The following GALNT13 variants were observed in gnomAD, a reference collection of about 807,000 sequenced individuals.
GALNT13 encodes the protein UDP-GalNAc:polypeptide N-acetylgalactosaminyltransferase 13.
In GALNT13, 28 loss-of-function variants were observed where a neutral mutation model predicts 64.2. The ratio of observed to expected loss-of-function variants is 0.44; its 90% CI spans 0.32 to 0.60. The LOEUF (loss-of-function observed/expected upper bound fraction) is 0.60, where lower values mean the gene tolerates loss of function less well. GALNT13 is among the 20% of genes least tolerant of loss of function. The pLI, the probability that GALNT13 is intolerant of heterozygous loss-of-function variation, is 0.05. For synonymous variants in GALNT13, 214 were observed against 224.6 expected, an observed-to-expected ratio of 0.95 and a Z score of 0.42; for missense variants, 577 against 669.8, an observed-to-expected ratio of 0.86 and a Z score of 1.53.
the GALNT13 span, among the ~76,000 whole-genome samples, chr2:153,438,875 CT>C: frequency 2.3e-4 from 35 of 152,252 alleles, no homozygotes; most frequent in African/African-American, 8.4e-4. Context: ...AGCTGTGTTC[CT>C]TTGGAGGGGG....
rs181597368 is a variant in GALNT13, at chr2:154,250,382, C to T, written c.857+4400C>T. ...ATATTTTTCTATGCCATTATTTTTCCCCACATAGGTTTTAATGGCTGCTAA... is the reference window on the plus strand; with the variant it reads ...ATATTTTTCTATGCCATTATTTTTCTCCACATAGGTTTTAATGGCTGCTAA... On this transcript the variant is annotated intron_variant, in intron 7 of 12. Transcript: ENST00000392825. Among the ~76,000 whole-genome samples the T allele has an allele frequency of 3.3e-5, 5 of 151,884 alleles. No individual in the cohort carries two copies. In the East Asian group the frequency reaches 9.7e-4, roughly 29 times the overall value.
At position 153,876,921 on chromosome 2, in the gene GALNT13, G is replaced by A. The variant is rs566485699; in HGVS notation, c.-177+4618G>A. On this transcript the variant is annotated intron_variant, in intron 1 of 12. Coordinates refer to ENST00000392825, the MANE Select transcript of GALNT13 (RefSeq NM_052917.4). ...GGGCTCAACTTCATTCAATGTCCACGTAATTAGAGTCCTCATGAACTGTCA... is the reference window on the plus strand; with the variant it reads ...GGGCTCAACTTCATTCAATGTCCACATAATTAGAGTCCTCATGAACTGTCA... Among the ~76,000 whole-genome samples the A allele has an allele frequency of 1.7e-4, 26 of 152,156 alleles. No individual in the cohort carries two copies. In the South Asian group the frequency reaches 4.2e-3, roughly 24 times the overall value.
chr2:154,237,681 G>GT (rs1434194788), intron 4 of GALNT13, among the ~76,000 whole-genome samples: 1 of 151,310 alleles, frequency 6.6e-6, no homozygotes, highest in Non-Finnish European at 1.5e-5. Context: ...AAGATGTGCA[G>GT]TTTTTTCATT....
the GALNT13 span, chr2:153,478,533 C>T: frequency 1.2e-6 from 2 of 1,605,548 alleles, no homozygotes; most frequent in Non-Finnish European, 1.7e-6. Flanking sequence ...ACAGGCCCGC[C>T]ACGTCCGTCT....
At chr2:154,096,744 G>A (rs1351016805) in intron 3 of GALNT13, among the ~76,000 whole-genome samples, 1 of 152,034 alleles carries the variant, frequency 6.6e-6, no homozygotes, top group Non-Finnish European at 1.5e-5. Flanking sequence ...TAATGACTAT[G>A]AAGAGCACCA....
the GALNT13 span, among the ~76,000 whole-genome samples, chr2:153,578,543 G>A: frequency 1.3e-5 from 2 of 152,174 alleles, no homozygotes; most frequent in Non-Finnish European, 2.9e-5. Flanking sequence ...CACCTTGACT[G>A]TAGACCCATC....
the GALNT13 span, among the ~76,000 whole-genome samples, chr2:153,472,507 C>G: frequency 6.6e-6 from 1 of 152,090 alleles, no homozygotes; most frequent in Non-Finnish European, 1.5e-5. Context: ...TAGTAATGTA[C>G]CATCTATACA....
At chr2:153,336,731 A>G in the GALNT13 span, among the ~76,000 whole-genome samples, 1 of 152,112 alleles carries the variant, frequency 6.6e-6, no homozygotes, top group Non-Finnish European at 1.5e-5. Context: ...ACCATTGGGA[A>G]GGCATGATTG....
chr2:153,797,862 A>AT, the GALNT13 span, among the ~76,000 whole-genome samples: 18 of 152,044 alleles, frequency 1.2e-4, 1 homozygote, highest in South Asian at 6.2e-4. Flanking sequence ...AAATACAATG[A>AT]TTTTTTTTGT....
chr2:154,454,650 A>G (rs1328802900), downstream of GALNT13: 3 of 148,966 alleles, frequency 2.0e-5, no homozygotes, highest in African/African-American at 7.4e-5. Flanking sequence ...AGACTGTCTC[A>G]AAAAAAAAAA....
the GALNT13 span, among the ~76,000 whole-genome samples, chr2:153,259,548 G>T: frequency 6.6e-6 from 1 of 152,028 alleles, no homozygotes; most frequent in East Asian, 1.9e-4. Flanking sequence ...AGACCTAGTG[G>T]GAGGTAACTG....
In GALNT13 at chr2:154,145,070, C is replaced by CTCTA. The variant is rs57991813; in HGVS notation, c.311+4595_311+4598dup. 7.9e-3 allele frequency among the ~76,000 whole-genome samples: 1,075 copies of CTCTA among 136,172 alleles called. 9 individuals carry two copies. Among genetic ancestry groups the CTCTA allele is most frequent in the Non-Finnish European group, 0.011 (728 of 64,090 alleles). The allele number at this position is 136,172 out of a possible 152,430, so 89.3% of individuals were successfully genotyped here. ...TAGTTCTCTCTCTCTCTCTCTCTCT[C>CTCTA]TCTATCTATCTATCTATCTATCTAT... On this transcript the variant is annotated intron_variant, in intron 4 of 12. Transcript: ENST00000392825.
chr2:154,196,550 G>A (rs1215962749), intron 4 of GALNT13, among the ~76,000 whole-genome samples: 1 of 152,138 alleles, frequency 6.6e-6, no homozygotes, highest in Non-Finnish European at 1.5e-5. Flanking sequence ...GAAATAAAAA[G>A]CAAGCTGTAA....
At chr2:153,241,791 C>A in the GALNT13 span, among the ~76,000 whole-genome samples, 1 of 151,790 alleles carries the variant, frequency 6.6e-6, no homozygotes, top group Admixed American at 6.6e-5. Flanking sequence ...TTCTATGATA[C>A]CCCTCTCCCC....
the GALNT13 span, among the ~76,000 whole-genome samples, chr2:153,516,559 G>A: frequency 6.6e-6 from 1 of 152,024 alleles, no homozygotes; most frequent in African/African-American, 2.4e-5. Context: ...TTTCCTGTCT[G>A]GTTTCTTCTG....
At chr2:153,710,094 T>A in the GALNT13 span, among the ~76,000 whole-genome samples, 2 of 152,016 alleles carry the variant, frequency 1.3e-5, no homozygotes, top group East Asian at 3.9e-4. Flanking sequence ...TAATAGTGTA[T>A]TATACATTTC....
the GALNT13 span, among the ~76,000 whole-genome samples, chr2:153,429,772 C>T: frequency 6.6e-6 from 1 of 152,190 alleles, no homozygotes; most frequent in African/African-American, 2.4e-5. Context: ...AAATATTATA[C>T]ATTTGCCTTC....
chr2:154,281,170 TA>T (rs1691940844), intron 8 of GALNT13, among the ~76,000 whole-genome samples: 1 of 152,212 alleles, frequency 6.6e-6, no homozygotes, highest in Non-Finnish European at 1.5e-5. Context: ...TTTGTGCTCA[TA>T]AAAAAGCAAT....
chr2:153,478,262 C>T, the GALNT13 span: 1 of 1,613,684 alleles, frequency 6.2e-7, no homozygotes, highest in Non-Finnish European at 8.5e-7. Flanking sequence ...ACCACCGCCT[C>T]CACCTCCTTA....
Sources: gnomAD v4.1 joint callset for allele counts (sites outside exome capture counted in the v4.1 genomes callset) on GRCh38, gnomAD v4.1.1 for gene constraint, MANE v1.5 for transcripts, NCBI Gene and HGNC (gene_info 2026-07-23, HGNC 2026-07-21) for gene names.